CDK14: variants seen among roughly 807,000 people sequenced by gnomAD.
CDK14 encodes cyclin dependent kinase 14, also known as cyclin-dependent kinase 14.
CDK14 carries 34 observed loss-of-function variants against 60.7 expected under a neutral mutation model. The observed-to-expected ratio is 0.56, with a 90% CI of 0.43 to 0.75. The LOEUF is 0.75. CDK14 is among the 30% of genes least tolerant of loss of function. The probability of loss-of-function intolerance (pLI) is 0.00; values close to 1 mark genes in which losing one functional copy is unlikely to be tolerated. For missense variants in CDK14, 482 were observed against 564.1 expected (o/e 0.85, Z 1.47); for synonymous variants, 197 against 203.7 (o/e 0.97, Z 0.28).
intron 14 of CDK14, among the ~76,000 whole-genome samples, chr7:91,137,696 GTGTGTGTGTGTGTGTGTGTAT>G (rs1562920488): frequency 1.6e-3 from 46 of 28,186 alleles, no homozygotes; most frequent in Non-Finnish European, 3.8e-3. Flanking sequence ...TGTGGGGGGT[GTGTGTGTGTGTGTGTGTGTAT>G]GTGTGTGTGT....
chr7:90,712,598 C>T (rs1295587737), intron 2 of CDK14, among the ~76,000 whole-genome samples: 1 of 151,816 alleles, frequency 6.6e-6, no homozygotes, highest in East Asian at 1.9e-4. Flanking sequence ...ACTAAAATAG[C>T]CTATGGGAAA....
At chr7:91,009,083 T>G (rs1796077877) in intron 10 of CDK14, among the ~76,000 whole-genome samples, 1 of 152,172 alleles carries the variant, frequency 6.6e-6, no homozygotes. Flanking sequence ...AGTTTGCATT[T>G]TCTTAAATTT....
intron 14 of CDK14, among the ~76,000 whole-genome samples, chr7:91,161,865 C>T (rs1801175879): frequency 1.3e-5 from 2 of 152,182 alleles, no homozygotes; most frequent in African/African-American, 4.8e-5. Context: ...TCTTAGACTT[C>T]CCCTCATTTG....
At chr7:91,186,861 A>G (rs1802207625) in intron 14 of CDK14, among the ~76,000 whole-genome samples, 1 of 152,188 alleles carries the variant, frequency 6.6e-6, no homozygotes, top group Non-Finnish European at 1.5e-5. Flanking sequence ...TATTCTCTGC[A>G]TGTTAGTCAG....
intron 14 of CDK14, among the ~76,000 whole-genome samples, chr7:91,196,112 T>C (rs1032707749): frequency 3.2e-4 from 49 of 152,244 alleles, no homozygotes; most frequent in African/African-American, 1.1e-3. Context: ...TATAGTTAGC[T>C]GTTGTCCTAG....
At chr7:90,723,364 A>G (rs1178648770) in intron 2 of CDK14, among the ~76,000 whole-genome samples, 1 of 152,154 alleles carries the variant, frequency 6.6e-6, no homozygotes, top group Non-Finnish European at 1.5e-5. Context: ...AGTCCAGTCA[A>G]GCAGGAAGCT....
intron 5 of CDK14, among the ~76,000 whole-genome samples, chr7:90,813,905 G>A (rs1789243238): frequency 6.6e-6 from 1 of 152,072 alleles, no homozygotes; most frequent in South Asian, 2.1e-4. Context: ...ATATTTTATG[G>A]TTTGTAAATT....
intron 14 of CDK14, among the ~76,000 whole-genome samples, chr7:91,198,117 A>G (rs73402747): frequency 0.045 from 6,794 of 152,270 alleles, 505 homozygotes; most frequent in African/African-American, 0.15. Flanking sequence ...ACGATGTGCT[A>G]TAGTGGTATG....
chr7:90,854,181 T>C (rs1367953900), intron 5 of CDK14, among the ~76,000 whole-genome samples: 2 of 152,114 alleles, frequency 1.3e-5, no homozygotes, highest in Non-Finnish European at 2.9e-5. Flanking sequence ...CAATAGCTAT[T>C]CACATACATT....
chr7:91,143,306 A>G (rs947297193), intron 14 of CDK14, among the ~76,000 whole-genome samples: 3 of 152,216 alleles, frequency 2.0e-5, no homozygotes, highest in African/African-American at 7.2e-5. Context: ...GAATGTAGTA[A>G]AGACCGTTCA....
chr7:90,706,196 G>C (rs556820465), intron 2 of CDK14, among the ~76,000 whole-genome samples: 1 of 152,172 alleles, frequency 6.6e-6, no homozygotes, highest in African/African-American at 2.4e-5. Flanking sequence ...CTCTAATAAA[G>C]ATATTCTTAA....
At chr7:90,656,482 C>T (rs1278219937) in intron 2 of CDK14, among the ~76,000 whole-genome samples, 4 of 151,418 alleles carry the variant, frequency 2.6e-5, no homozygotes, top group East Asian at 1.9e-4. Flanking sequence ...CAGGTTCAAG[C>T]GATTCTTCTG....
At chr7:90,868,213 T>G (rs1791248174) in intron 6 of CDK14, among the ~76,000 whole-genome samples, 1 of 151,712 alleles carries the variant, frequency 6.6e-6, no homozygotes, top group Admixed American at 6.6e-5. Context: ...AATAAACATA[T>G]CCATTACTCC....
chr7:90,737,304 T>C (rs1318110537), intron 3 of CDK14, among the ~76,000 whole-genome samples: 1 of 152,244 alleles, frequency 6.6e-6, no homozygotes, highest in Non-Finnish European at 1.5e-5. Context: ...CATATTTAGG[T>C]TAAGGTCCTC....
rs55859300 is a variant in CDK14, at chr7:90,630,888, ATGTG to A, written c.123+26665_123+26668del. ...TGAGTATTTACATCTTGGGGTGTGT[ATGTG>A]TGTGTGTGTGTGTGTGTGTGTGTGT... On this transcript the variant is annotated intron_variant, in intron 2 of 14. Coordinates refer to ENST00000380050, the MANE Select transcript of CDK14 (RefSeq NM_001287135.2). Among the ~76,000 whole-genome samples, 1,013 of 148,390 alleles carry A rather than the reference ATGTG, an allele frequency of 6.8e-3. 15 individuals carry two copies. The highest frequency in any genetic ancestry group is 0.021 in the African/African-American group (839 of 40,126).
At chr7:90,781,987 A>G (rs1191150990) in intron 4 of CDK14, among the ~76,000 whole-genome samples, 1 of 152,140 alleles carries the variant, frequency 6.6e-6, no homozygotes, top group Non-Finnish European at 1.5e-5. Context: ...AATGGTATTG[A>G]ATCTATAAAT....
intron 2 of CDK14, among the ~76,000 whole-genome samples, chr7:90,719,163 A>G (rs73222504): frequency 0.16 from 24,274 of 152,118 alleles, 2,055 homozygotes; most frequent in Middle Eastern, 0.26. Flanking sequence ...ATAGTTTTGC[A>G]TTGGACCTGT....
intron 11 of CDK14, among the ~76,000 whole-genome samples, chr7:91,068,330 A>G (rs1696838108): frequency 6.6e-6 from 1 of 152,148 alleles, no homozygotes; most frequent in African/African-American, 2.4e-5. Flanking sequence ...GCACACCTTT[A>G]TTGCATAATG....
At chr7:90,955,552 C>T in intron 8 of CDK14, 145 bp from the exon 9 acceptor site, 1 of 765,606 alleles carries the variant, frequency 1.3e-6, no homozygotes, top group Non-Finnish European at 2.1e-6. Context: ...TATGCTTTCC[C>T]CAGTTTTCTA....
Sources: gnomAD v4.1 joint callset for allele counts (sites outside exome capture counted in the v4.1 genomes callset) on GRCh38, gnomAD v4.1.1 for gene constraint, MANE v1.5 for transcripts, NCBI Gene and HGNC (gene_info 2026-07-23, HGNC 2026-07-21) for gene names.